Variants in PTAR1 observed in about 807,000 individuals in gnomAD.
The protein encoded by PTAR1 is protein prenyltransferase alpha subunit repeat-containing protein 1.
PTAR1 carries 17 observed loss-of-function variants against 45.5 expected under a neutral mutation model. That is an observed-to-expected ratio of 0.37 (90% CI 0.26 to 0.56). The LOEUF (loss-of-function observed/expected upper bound fraction) is 0.56, where lower values mean the gene tolerates loss of function less well. PTAR1 is among the 20% of genes least tolerant of loss of function. PTAR1 has a pLI of 0.77. For synonymous variants in PTAR1, 169 were observed against 171.3 expected (o/e 0.99, Z 0.11); for missense variants, 391 against 476.3 (o/e 0.82, Z 1.67).
At chr9:69,721,207 T>G (rs761946341) in intron 6 of PTAR1, among the ~76,000 whole-genome samples, 1 of 152,016 alleles carries the variant, frequency 6.6e-6, no homozygotes, top group Non-Finnish European at 1.5e-5. Context: ...AACAAAACTT[T>G]GAGAGAAGGT....
At chr9:69,723,232 C>A in intron 6 of PTAR1, 94 bp downstream of exon 6, 2 of 1,051,328 alleles carry the variant, frequency 1.9e-6, no homozygotes, top group East Asian at 4.8e-5. Flanking sequence ...CCATGTTTAC[C>A]CAAGCAGGCA....
chr9:69,722,551 G>A (rs528846744), intron 6 of PTAR1, among the ~76,000 whole-genome samples: 11 of 152,140 alleles, frequency 7.2e-5, no homozygotes, highest in South Asian at 6.2e-4. Context: ...GACCATCAGG[G>A]TTGGAAAAAT....
At chr9:69,719,583 G>A (rs1342260093) in intron 6 of PTAR1, among the ~76,000 whole-genome samples, 2 of 152,160 alleles carry the variant, frequency 1.3e-5, no homozygotes, top group Non-Finnish European at 2.9e-5. Flanking sequence ...GGCTAGATAA[G>A]CTGCCTAATG....
chr9:69,756,970 CAATAG>C (rs568785213), intron 1 of PTAR1, among the ~76,000 whole-genome samples: 182 of 152,242 alleles, frequency 1.2e-3, no homozygotes, highest in Middle Eastern at 6.8e-3. Flanking sequence ...TTCAATTGCT[CAATAG>C]CTACTATGGC....
At chr9:69,740,424 GTGTA>G (rs1825991102) in intron 3 of PTAR1, among the ~76,000 whole-genome samples, 1 of 152,068 alleles carries the variant, frequency 6.6e-6, no homozygotes, top group East Asian at 1.9e-4. Flanking sequence ...GTGTGTGTGT[GTGTA>G]TGTACCTATC....
intron 3 of PTAR1, among the ~76,000 whole-genome samples, chr9:69,734,776 T>G (rs1038565240): frequency 1.3e-4 from 20 of 152,202 alleles, no homozygotes; most frequent in African/African-American, 4.8e-4. Flanking sequence ...ATTACTATTT[T>G]TTATTTTTGA....
chr9:69,752,313 T>C (rs1000915149), intron 1 of PTAR1, among the ~76,000 whole-genome samples: 1 of 152,008 alleles, frequency 6.6e-6, no homozygotes, highest in Admixed American at 6.6e-5. Flanking sequence ...CTATCACAAA[T>C]TGGTAGGAGG....
chr9:69,735,262 C>T (rs543464380), intron 3 of PTAR1, among the ~76,000 whole-genome samples: 9 of 152,232 alleles, frequency 5.9e-5, no homozygotes, highest in African/African-American at 1.7e-4. Flanking sequence ...TCAGGACCTC[C>T]CAAGGATACC....
rs1350608718 is a variant in PTAR1, at chr9:69,723,333, A to G, written c.940T>C (p.Cys314Arg). Reference protein sequence around the residue: ...DSYPGHETLWCHRRHIFYLQH... With the variant: ...DSYPGHETLWRHRRHIFYLQH... Reference sequence around the variant, plus strand: ...GATTTTCCCTTTTCTTACCTATGACACCAAAGGGTTTCATGTCCTGGGTAG... The same window carrying G: ...GATTTTCCCTTTTCTTACCTATGACGCCAAAGGGTTTCATGTCCTGGGTAG... Residue 314 changes from cysteine (C) to arginine (R), a missense_variant, in exon 6 of 8, where the codon TGT becomes CGT. Coordinates refer to ENST00000340434, the MANE Select transcript of PTAR1 (RefSeq NM_001099666.2). The G allele has an allele frequency of 1.6e-5, 26 of 1,613,100 alleles. No homozygotes were observed. The highest frequency in any genetic ancestry group is 2.2e-5 in the Non-Finnish European group (26 of 1,179,400).
intron 2 of PTAR1, among the ~76,000 whole-genome samples, chr9:69,746,051 A>G (rs1826260661): frequency 6.6e-6 from 1 of 152,198 alleles, no homozygotes. Flanking sequence ...ATATACAACC[A>G]TAGGCCCTTC....
chr9:69,752,113 G>A (rs1239155798), intron 1 of PTAR1, among the ~76,000 whole-genome samples: 1 of 152,044 alleles, frequency 6.6e-6, no homozygotes, highest in Admixed American at 6.6e-5. Context: ...TTTTTAGAGT[G>A]TCTATATAGA....
rs1282479848 is a variant in PTAR1, at chr9:69,712,767, A to G, written c.*5575T>C. 2.0e-5 allele frequency: 3 copies of G among 152,152 alleles called. No homozygotes were observed. The highest frequency in any genetic ancestry group is 4.4e-5 in the Non-Finnish European group (3 of 68,012). The allele number at this position is 152,152 out of a possible 1,614,324, so 9.4% of individuals were successfully genotyped here. On this transcript the variant is annotated 3_prime_UTR_variant, in exon 8 of 8. Transcript: ENST00000340434. ...CTAAAAGTTGAGAATGATGTCAACT[A>G]AAACAAAATACAATCATCCCCACCT...
intron 2 of PTAR1, among the ~76,000 whole-genome samples, chr9:69,745,569 C>T (rs1588476649): frequency 6.6e-6 from 1 of 152,148 alleles, no homozygotes; most frequent in South Asian, 2.1e-4. Flanking sequence ...CTTAAGTCCC[C>T]GCTTTTCATT....
chr9:69,759,728 C>A, intron 1 of PTAR1, 125 bp downstream of exon 1: 2 of 922,966 alleles, frequency 2.2e-6, no homozygotes, highest in Non-Finnish European at 3.1e-6. Flanking sequence ...GGCTCTGCCT[C>A]CTCCCTAGAA....
At chr9:69,732,910 T>A (rs537773488) in intron 4 of PTAR1, among the ~76,000 whole-genome samples, 20 of 152,170 alleles carry the variant, frequency 1.3e-4, no homozygotes, top group Non-Finnish European at 2.8e-4. Flanking sequence ...AATATCCTTA[T>A]CCACAAATTC....
In PTAR1 at chr9:69,715,999, C is replaced by T. The variant is rs1285982128; in HGVS notation, c.*2343G>A. On this transcript the variant is annotated 3_prime_UTR_variant, in exon 8 of 8. Coordinates refer to ENST00000340434, the MANE Select transcript of PTAR1 (RefSeq NM_001099666.2). ...TTAGAAGATATGAAAATAGTTTACA[C>T]ACCAAAGATAGGCAAGATAATCAGT... The T allele has an allele frequency of 1.3e-5, 2 of 152,090 alleles. No homozygotes were observed. Among genetic ancestry groups the T allele is most frequent in the Non-Finnish European group, 2.9e-5 (2 of 68,014 alleles). The allele number at this position is 152,090 out of a possible 1,614,324, so 9.4% of individuals were successfully genotyped here.
Position 69,718,684 on chromosome 9 carries a change from C to A in PTAR1, c.948G>T (p.Arg316Ser). ...GATGCTGAAGGTAGAAAATATGCCG[C>A]CTGCGATAGAGAGGGGAAGGAAGAG... ...YPGHETLWCH[R>S]RHIFYLQHHL... Residue 316 changes from arginine to serine, a missense_variant and splice_region_variant, in exon 7 of 8, where the codon AGG (arginine) becomes AGT (serine). Physicochemically the swap from Arg to Ser is moderately radical, Grantham distance 110. Coordinates refer to ENST00000340434, the MANE Select transcript of PTAR1 (RefSeq NM_001099666.2). The A allele has an allele frequency of 6.4e-7, 1 of 1,555,456 alleles. No individual in the cohort carries two copies. The highest frequency in any genetic ancestry group is 1.2e-5 in the South Asian group (1 of 84,002).
intron 1 of PTAR1, among the ~76,000 whole-genome samples, chr9:69,755,500 T>G (rs990418058): frequency 2.0e-5 from 3 of 152,198 alleles, no homozygotes; most frequent in African/African-American, 7.2e-5. Flanking sequence ...CCAGCTTACC[T>G]TCTGGGAGGG....
intron 2 of PTAR1, among the ~76,000 whole-genome samples, chr9:69,746,482 T>A (rs1415168347): frequency 6.6e-6 from 1 of 152,186 alleles, no homozygotes; most frequent in Non-Finnish European, 1.5e-5. Context: ...AAAAAGAACA[T>A]GTATAATCAA....
Sources: gnomAD v4.1 joint callset for allele counts (sites outside exome capture counted in the v4.1 genomes callset) on GRCh38, gnomAD v4.1.1 for gene constraint, MANE v1.5 for transcripts, NCBI Gene and HGNC (gene_info 2026-07-23, HGNC 2026-07-21) for gene names.